Variants in USP45 observed in about 807,000 individuals in gnomAD.
USP45 encodes the protein ubiquitin carboxyl-terminal hydrolase 45.
A neutral mutation model predicts 95.8 loss-of-function variants in USP45; 89 were observed. That is an observed-to-expected ratio of 0.93 (90% CI 0.78 to 1.11). The LOEUF is 1.11. USP45 is among the 50% of genes least tolerant of loss of function. USP45 has a pLI of 0.00. For synonymous variants in USP45, 281 were observed against 316.2 expected (o/e 0.89, Z 1.18); for missense variants, 898 against 942.5 (o/e 0.95, Z 0.62).
intron 8 of USP45, among the ~76,000 whole-genome samples, chr6:99,479,601 CAAAAAAAAA>C (rs34635892): frequency 1.7e-5 from 2 of 117,074 alleles, no homozygotes; most frequent in African/African-American, 3.3e-5. Context: ...TTCCAACAGA[CAAAAAAAAA>C]AAAAAAAAAG....
At chr6:99,448,550 T>C (rs1783065626) in intron 13 of USP45, among the ~76,000 whole-genome samples, 2 of 152,136 alleles carry the variant, frequency 1.3e-5, no homozygotes, top group Non-Finnish European at 2.9e-5. Context: ...AAAGACCAAA[T>C]CTATGTCTGA....
intron 9 of USP45, among the ~76,000 whole-genome samples, chr6:99,472,221 AT>A (rs5878580): frequency 1.4e-5 from 2 of 143,906 alleles, no homozygotes; most frequent in African/African-American, 5.1e-5. Context: ...TCACTTACTA[AT>A]TTTTTTTTTT....
At chr6:99,465,533 ATTCT>A (rs762459106) in intron 11 of USP45, among the ~76,000 whole-genome samples, 7 of 152,200 alleles carry the variant, frequency 4.6e-5, no homozygotes, top group African/African-American at 7.2e-5. Flanking sequence ...TGTTTTATAG[ATTCT>A]TTAAGATAAT....
chr6:99,440,966 AAGATG>A (rs1448546256), intron 15 of USP45, among the ~76,000 whole-genome samples: 1 of 152,176 alleles, frequency 6.6e-6, no homozygotes, highest in Non-Finnish European at 1.5e-5. Context: ...ACTTTAATAT[AAGATG>A]AATCTTTTTT....
intron 13 of USP45, among the ~76,000 whole-genome samples, chr6:99,452,483 T>C (rs1411229116): frequency 6.6e-6 from 1 of 152,154 alleles, no homozygotes; most frequent in Non-Finnish European, 1.5e-5. Context: ...TGAGATACCA[T>C]CTCACACCAG....
chr6:99,432,466 T>C lies in USP45; in HGVS notation c.*3250A>G, dbSNP rs1184551440. 1 of 152,192 alleles carries C rather than the reference T, an allele frequency of 6.6e-6. No individual in the cohort carries two copies. Among genetic ancestry groups the C allele is most frequent in the Non-Finnish European group, 1.5e-5 (1 of 68,036 alleles). 9.4% of individuals were successfully genotyped at this position (152,192 alleles called of 1,614,324 possible). A position where few individuals can be genotyped will look rare whatever the true frequency, so the allele number is the denominator to read the frequency against. On this transcript the variant is annotated 3_prime_UTR_variant, in exon 18 of 18. Transcript: ENST00000500704. ...ACATGAGATAAATAAGAATATTTAT[T>C]ATGCATGTTTTATACAGTAACACCA...
intron 13 of USP45, among the ~76,000 whole-genome samples, chr6:99,449,845 G>A (rs2128566386): frequency 6.6e-6 from 1 of 152,306 alleles, no homozygotes; most frequent in East Asian, 1.9e-4. Flanking sequence ...AGACCACAGT[G>A]CAATCAAACT....
chr6:99,501,913 C>A, intron 5 of USP45: 1 of 1,287,560 alleles, frequency 7.8e-7, no homozygotes, highest in Admixed American at 2.5e-5. Flanking sequence ...ATGATGGGTC[C>A]CTCAGGCCAC....
Position 99,435,514 on chromosome 6 carries a change from C to A in USP45, c.*202G>T. ...AATAAATACCTGGAAACAAAATTCACATTTATTTTAAGACTATGAATTTTA... is the reference window on the plus strand; with the variant it reads ...AATAAATACCTGGAAACAAAATTCAAATTTATTTTAAGACTATGAATTTTA... On this transcript the variant is annotated 3_prime_UTR_variant, in exon 18 of 18. Coordinates refer to ENST00000500704, the MANE Select transcript of USP45 (RefSeq NM_001346022.3). 1 of 404,550 alleles carries A rather than the reference C, an allele frequency of 2.5e-6. No homozygotes were observed. The highest frequency in any genetic ancestry group is 8.5e-5 in the South Asian group (1 of 11,698). 25.1% of individuals were successfully genotyped at this position (404,550 alleles called of 1,614,324 possible). A position where few individuals can be genotyped will look rare whatever the true frequency, so the allele number is the denominator to read the frequency against.
At chr6:99,491,756 C>CTT (rs533954676) in intron 5 of USP45, among the ~76,000 whole-genome samples, 1 of 146,084 alleles carries the variant, frequency 6.8e-6, no homozygotes, top group East Asian at 2.0e-4. Flanking sequence ...TCAAAAATAT[C>CTT]TTTTTTTTTT....
At chr6:99,466,788 C>G (rs780136776) in intron 10 of USP45, 25 bp from the exon 11 acceptor site, 19 of 1,574,742 alleles carry the variant, frequency 1.2e-5, no homozygotes, top group Non-Finnish European at 1.6e-5. Context: ...CTTTTTAATG[C>G]AAAAAACATG....
chr6:99,510,851 C>T (rs1049862236), intron 1 of USP45, among the ~76,000 whole-genome samples: 8 of 152,138 alleles, frequency 5.3e-5, no homozygotes, highest in Admixed American at 1.3e-4. Context: ...AAGTTTTCAT[C>T]AACGGAGTAA....
Position 99,508,716 on chromosome 6 carries a change from T to G in USP45, c.167A>C (p.Glu56Ala), listed in dbSNP as rs777960525. 2 of 1,613,700 alleles carry G rather than the reference T, an allele frequency of 1.2e-6. No individual in the cohort carries two copies. The highest frequency in any genetic ancestry group is 2.7e-5 in the African/African-American group (2 of 74,940). ...SVNHVKRAIAENLWSVCSECL... is the reference protein window; with the variant it reads ...SVNHVKRAIAANLWSVCSECL... Reference sequence around the variant, plus strand: ...TTCTGAGCAAACTGACCACAGATTCTCAGCTATTGCTCTCTTTACATGATT... The same window carrying G: ...TTCTGAGCAAACTGACCACAGATTCGCAGCTATTGCTCTCTTTACATGATT... Residue 56 changes from glutamate to alanine, a missense_variant, in exon 3 of 18, where the codon GAG becomes GCG. By Grantham distance (107) the Glu-to-Ala change is moderately radical. Transcript: ENST00000500704.
chr6:99,516,475 T>C (rs1386602164), upstream of USP45, among the ~76,000 whole-genome samples: 2 of 152,200 alleles, frequency 1.3e-5, no homozygotes, highest in African/African-American at 4.8e-5. Flanking sequence ...AATTTTTCTT[T>C]AAAAACTCTT....
In USP45 at chr6:99,508,723, T is replaced by C. The variant is rs149601544; in HGVS notation, c.160A>G (p.Ile54Val). 85 of 1,613,680 alleles carry C rather than the reference T, an allele frequency of 5.3e-5. No homozygotes were observed. Among genetic ancestry groups the C allele is most frequent in the Non-Finnish European group, 7.1e-5 (84 of 1,179,924 alleles). Residue 54 changes from isoleucine to valine, a missense_variant, in exon 3 of 18, where the codon ATA becomes GTA. Physicochemically the swap from Ile to Val is conservative, Grantham distance 29. Transcript: ENST00000500704. ...CAAACTGACCACAGATTCTCAGCTA[T>C]TGCTCTCTTTACATGATTCACGCTG... Reference protein sequence around the residue: ...AISVNHVKRAIAENLWSVCSE... With the variant: ...AISVNHVKRAVAENLWSVCSE...
chr6:99,437,318 T>C lies in USP45; in HGVS notation c.2242A>G (p.Thr748Ala), dbSNP rs149896558. ...GGTGTTCTCACTTTCACATAAGCAG[T>C]GTAGTGGCCTTCTCTCATCGAGCCA... ...HSGSMREGHY[T>A]AYVKVRTPSR... is the part of the protein sequence containing the mutation. Residue 748 changes from threonine (T) to alanine (A), a missense_variant, in exon 17 of 18, where the codon ACT (threonine) becomes GCT (alanine). Physicochemically the swap from Thr to Ala is moderately conservative, Grantham distance 58. Coordinates refer to ENST00000500704, the MANE Select transcript of USP45 (RefSeq NM_001346022.3). 6 of 1,613,986 alleles carry C rather than the reference T, an allele frequency of 3.7e-6. No homozygotes were observed. The African/African-American group carries it at 8.0e-5, about 22-fold the overall frequency.
chr6:99,474,863 C>T (rs1790406808), intron 9 of USP45, among the ~76,000 whole-genome samples: 1 of 152,164 alleles, frequency 6.6e-6, no homozygotes, highest in Non-Finnish European at 1.5e-5. Context: ...CAGGAAACCC[C>T]TCCCAGAAGA....
rs1278329544 is a variant in USP45 at position 99,435,375 on chromosome 6, C to CT, written c.*340dup. 1 of 174,006 alleles carries CT rather than the reference C, an allele frequency of 5.7e-6. No homozygotes were observed. Among genetic ancestry groups the CT allele is most frequent in the African/African-American group, 2.4e-5 (1 of 42,358 alleles). 10.8% of individuals were successfully genotyped at this position (174,006 alleles called of 1,614,324 possible). ...TGGCATTACATTTAGGAATCACTGTCTCAAGGAATGATTTGACTTAGCCAG... is the reference window on the plus strand; with the variant it reads ...TGGCATTACATTTAGGAATCACTGTCTTCAAGGAATGATTTGACTTAGCCAG... On this transcript the variant is annotated 3_prime_UTR_variant, in exon 18 of 18. Transcript: ENST00000500704.
chr6:99,494,235 T>G (rs560255608), intron 5 of USP45, among the ~76,000 whole-genome samples: 12 of 152,278 alleles, frequency 7.9e-5, no homozygotes, highest in Middle Eastern at 6.8e-3. Context: ...ACTTATCACT[T>G]CTATATTACT....
Sources: allele counts gnomAD v4.1 joint callset (sites outside exome capture counted in the v4.1 genomes callset), GRCh38; gene constraint gnomAD v4.1.1; transcripts MANE v1.5; gene names NCBI Gene and HGNC (gene_info 2026-07-23, HGNC 2026-07-21).